Variants in MRC1 observed in about 807,000 individuals in gnomAD.
MRC1 encodes the protein macrophage mannose receptor 1.
MRC1 carries 62 observed loss-of-function variants against 102.9 expected under a neutral mutation model. The observed-to-expected ratio is 0.60, with a 90% confidence interval of 0.49 to 0.74. MRC1 has a LOEUF of 0.74. Among genes scored for constraint, MRC1 ranks in the 30% least tolerant of loss-of-function variants. MRC1 has a pLI of 0.00. For missense variants in MRC1, 1,237 were observed against 862.8 expected (o/e 1.43, Z -5.43); for synonymous variants, 457 against 298.4 (o/e 1.53, Z -5.48).
At chr10:17,894,650 C>T (rs976638494) in intron 23 of MRC1, among the ~76,000 whole-genome samples, 14 of 151,954 alleles carry the variant, frequency 9.2e-5, no homozygotes, top group Admixed American at 3.9e-4. Context: ...CTACCTGCCT[C>T]GGCCTCCCAA....
chr10:17,811,298 T>A (rs1390245889), intron 1 of MRC1, among the ~76,000 whole-genome samples: 1 of 152,184 alleles, frequency 6.6e-6, no homozygotes, highest in East Asian at 1.9e-4. Flanking sequence ...GCTATCATAC[T>A]GGGCAGCACA....
intron 6 of MRC1, among the ~76,000 whole-genome samples, chr10:17,846,360 T>C (rs1234827678): frequency 6.6e-6 from 1 of 152,192 alleles, no homozygotes; most frequent in East Asian, 1.9e-4. Flanking sequence ...TTATTACCTC[T>C]TTTTGGAGGG....
Position 17,863,545 on chromosome 10 carries a change from C to T in MRC1, c.1646C>T (p.Ala549Val), listed in dbSNP as rs1030468246. ...LTTIEDRYEQ[A>V]FLTSFVGLRP... ...TCTTCTTTTTAAAGATATGAACAAG[C>T]CTTCCTGACTAGTTTCGTTGGCTTA... The change falls in exon 11 of 30, where the codon GCC (alanine) becomes GTC (valine). Residue 549 changes from alanine (A) to valine (V), a missense_variant. Ala to Val is a moderately conservative substitution (Grantham distance 64). Transcript: ENST00000569591. 3.8e-6 allele frequency: 3 copies of T among 780,818 alleles called. No homozygotes were observed. Among genetic ancestry groups the T allele is most frequent in the Middle Eastern group, 2.3e-4 (1 of 4,436 alleles). The allele number at this position is 780,818 out of a possible 1,614,324, so 48.4% of individuals were successfully genotyped here. A position where few individuals can be genotyped will look rare whatever the true frequency, so the allele number is the denominator to read the frequency against.
At chr10:17,882,265 G>C (rs1833530906) in intron 21 of MRC1, among the ~76,000 whole-genome samples, 2 of 152,178 alleles carry the variant, frequency 1.3e-5, no homozygotes, top group African/African-American at 2.4e-5. Context: ...GCTTGGAAAA[G>C]AGAGGGTGTG....
At chr10:17,897,441 C>T (rs1442414523) in intron 23 of MRC1, among the ~76,000 whole-genome samples, 4 of 152,046 alleles carry the variant, frequency 2.6e-5, no homozygotes, top group African/African-American at 7.2e-5. Flanking sequence ...TACCCATAGG[C>T]GAAGGGCATA....
At chr10:17,871,941 T>C in intron 14 of MRC1, 41 bp from the exon 15 acceptor site, 1 of 775,826 alleles carries the variant, frequency 1.3e-6, no homozygotes, top group Non-Finnish European at 2.4e-6. Context: ...ATTGGCTTGA[T>C]ACAAATGGTT....
intron 10 of MRC1, among the ~76,000 whole-genome samples, chr10:17,862,341 G>A (rs1016901941): frequency 0.029 from 4,473 of 152,168 alleles, 124 homozygotes; most frequent in African/African-American, 0.074. Context: ...TATGGTAGTA[G>A]CACCCTAATA....
intron 17 of MRC1, 50 bp downstream of exon 17, chr10:17,875,303 G>C: frequency 1.3e-6 from 1 of 775,672 alleles, no homozygotes; most frequent in Admixed American, 1.7e-5. Context: ...TGGGGAACAG[G>C]TGTTGTTTGG....
chr10:17,894,162 G>A, intron 22 of MRC1, 48 bp from the exon 23 acceptor site: 3 of 866,442 alleles, frequency 3.5e-6, no homozygotes, highest in Non-Finnish European at 6.0e-6. Flanking sequence ...GATTTCAATA[G>A]TCGTTGATTC....
At chr10:17,872,187 A>C (rs1833363300) in intron 15 of MRC1, 61 bp downstream of exon 15, 3 of 778,974 alleles carry the variant, frequency 3.9e-6, no homozygotes, top group East Asian at 4.9e-5. Context: ...GACACCCCAG[A>C]ATCTTTCCTT....
At position 17,823,412 on chromosome 10, in the gene MRC1, G is replaced by C. The variant is rs781821075; in HGVS notation, c.400G>C (p.Gly134Arg). 3 of 780,832 alleles carry C rather than the reference G, an allele frequency of 3.8e-6. No individual in the cohort carries two copies. Among genetic ancestry groups the C allele is most frequent in the Non-Finnish European group, 7.2e-6 (3 of 417,956 alleles). 48.4% of individuals were successfully genotyped at this position (780,832 alleles called of 1,614,324 possible). The change falls in exon 2 of 30, where the codon GGT becomes CGT. Residue 134 changes from glycine (G) to arginine (R), a missense_variant. Transcript: ENST00000569591. ...GAATATTATGCTCTACAAGGGATCG[G>C]GTTTATGGAGCAGGTGGAAGATCTA... ...EKNIMLYKGS[G>R]LWSRWKIYGT...
intron 4 of MRC1, among the ~76,000 whole-genome samples, 178 bp from the exon 5 acceptor site, chr10:17,840,515 A>G (rs932140869): frequency 6.6e-5 from 10 of 152,168 alleles, no homozygotes; most frequent in Non-Finnish European, 1.3e-4. Context: ...CTATCAGTGA[A>G]GGTAATAATT....
At chr10:17,867,709 A>G (rs1214041575) in intron 12 of MRC1, among the ~76,000 whole-genome samples, 1 of 152,200 alleles carries the variant, frequency 6.6e-6, no homozygotes, top group Admixed American at 6.5e-5. Context: ...GGCATGAGCC[A>G]GTGCACCCAG....
chr10:17,891,532 G>A (rs1018663902), intron 22 of MRC1, among the ~76,000 whole-genome samples: 7 of 152,102 alleles, frequency 4.6e-5, no homozygotes, highest in African/African-American at 9.7e-5. Flanking sequence ...AGCGTAATGC[G>A]TTTGAATCAT....
chr10:17,859,248 A>C (rs1200058953), intron 9 of MRC1, among the ~76,000 whole-genome samples: 2 of 152,064 alleles, frequency 1.3e-5, no homozygotes, highest in Admixed American at 1.3e-4. Context: ...TTTTTTTAAT[A>C]AGAGCTTTCT....
intron 23 of MRC1, among the ~76,000 whole-genome samples, chr10:17,896,050 G>C (rs1833750720): frequency 1.3e-5 from 2 of 152,130 alleles, no homozygotes; most frequent in Admixed American, 1.3e-4. Flanking sequence ...AATCTGGTCT[G>C]GAGTGAGTCC....
At chr10:17,833,583 G>T (rs938891365) in intron 3 of MRC1, 92 bp from the exon 4 acceptor site, 18 of 753,222 alleles carry the variant, frequency 2.4e-5, no homozygotes, top group Non-Finnish European at 4.4e-5. Flanking sequence ...AGTGCTTCAG[G>T]CAAAAATGCT....
At chr10:17,903,422 G>T (rs1833856978) in intron 26 of MRC1, among the ~76,000 whole-genome samples, 1 of 109,500 alleles carries the variant, frequency 9.1e-6, no homozygotes, top group Admixed American at 1.2e-4. Context: ...TTGAGACAGA[G>T]TCTCATTCCC....
chr10:17,823,533 A>C, intron 2 of MRC1, 58 bp downstream of exon 2: 1 of 777,312 alleles, frequency 1.3e-6, no homozygotes, highest in Non-Finnish European at 2.4e-6. Context: ...CTTAGTTGGA[A>C]CCTGATTCAA....
Sources: allele counts gnomAD v4.1 joint callset (sites outside exome capture counted in the v4.1 genomes callset), GRCh38; gene constraint gnomAD v4.1.1; transcripts MANE v1.5; gene names NCBI Gene and HGNC (gene_info 2026-07-23, HGNC 2026-07-21).